The following RNF121 variants were observed in gnomAD, a reference collection of about 807,000 sequenced individuals.
The protein encoded by RNF121 is E3 ubiquitin ligase RNF121.
Under a neutral mutation model 46.5 loss-of-function variants are expected in RNF121, and 21 were observed. The observed-to-expected ratio is 0.45, with a 90% CI of 0.32 to 0.65. The LOEUF is 0.65. RNF121 is among the 30% of genes least tolerant of loss of function. The probability of loss-of-function intolerance (pLI) is 0.04; values close to 1 mark genes in which losing one functional copy is unlikely to be tolerated. For missense variants in RNF121, 346 were observed against 416.0 expected (o/e 0.83, Z 1.46); for synonymous variants, 139 against 144.7 (o/e 0.96, Z 0.28).
chr11:71,940,465 G>C (rs1953540804), intron 1 of RNF121, among the ~76,000 whole-genome samples: 1 of 152,154 alleles, frequency 6.6e-6, no homozygotes, highest in South Asian at 2.1e-4. Flanking sequence ...AGAGCATTAG[G>C]AATGAACGCC....
chr11:71,942,667 G>A (rs190561615), intron 1 of RNF121, among the ~76,000 whole-genome samples: 236 of 151,818 alleles, frequency 1.6e-3, no homozygotes, highest in African/African-American at 5.5e-3. Flanking sequence ...TGGAGGCTGA[G>A]GCAGGAGAAT....
intron 6 of RNF121, among the ~76,000 whole-genome samples, chr11:71,993,661 C>T (rs1343334931): frequency 6.6e-6 from 1 of 151,966 alleles, no homozygotes; most frequent in South Asian, 2.1e-4. Context: ...TGAGCACTGG[C>T]GTTTAAGTGT....
At chr11:71,974,418 C>T in intron 3 of RNF121, among the ~76,000 whole-genome samples, 1 of 152,212 alleles carries the variant, frequency 6.6e-6, no homozygotes, top group East Asian at 1.9e-4. Flanking sequence ...TCTTTCTCCT[C>T]AGTAGACTTG....
intron 1 of RNF121, among the ~76,000 whole-genome samples, chr11:71,952,921 C>G (rs1001129353): frequency 6.6e-6 from 1 of 152,344 alleles, no homozygotes; most frequent in South Asian, 2.1e-4. Context: ...AATTCACTCT[C>G]AGCAATTTTG....
chr11:71,968,888 CT>C (rs10686485), intron 3 of RNF121, among the ~76,000 whole-genome samples: 79 of 134,590 alleles, frequency 5.9e-4, no homozygotes, highest in African/African-American at 1.0e-3. Context: ...TTCTTTCTTT[CT>C]TTTTTTTTTT....
At chr11:71,990,922 G>T in intron 6 of RNF121, 2 of 608,454 alleles carry the variant, frequency 3.3e-6, no homozygotes, top group Non-Finnish European at 5.6e-6. Context: ...GTGCGTTGCA[G>T]CAACATGCCA....
chr11:71,929,374 G>A (rs1003860828), intron 1 of RNF121, among the ~76,000 whole-genome samples: 2 of 151,834 alleles, frequency 1.3e-5, no homozygotes, highest in African/African-American at 2.4e-5. Flanking sequence ...AGGTCGGAGG[G>A]GTGGGGGTGT....
chr11:71,958,554 C>G (rs545472918), intron 2 of RNF121, among the ~76,000 whole-genome samples: 99 of 151,850 alleles, frequency 6.5e-4, no homozygotes, highest in Non-Finnish European at 1.2e-3. Flanking sequence ...GGATTTTATT[C>G]ATTTATAAGC....
rs1011610667 is a variant in RNF121, at chr11:71,993,965, T to C, written c.628-754T>C. Reference sequence around the variant, plus strand: ...ACGCCATTCTCCTGCCTCAGCCTCCTGAGTAGCTGGGACTACAGGCGCCCC... The same window carrying C: ...ACGCCATTCTCCTGCCTCAGCCTCCCGAGTAGCTGGGACTACAGGCGCCCC... On this transcript the variant is annotated intron_variant, in intron 6 of 8. Transcript: ENST00000361756. Among the ~76,000 whole-genome samples, 9 of 151,502 alleles carry C rather than the reference T, an allele frequency of 5.9e-5. No homozygotes were observed. The South Asian group carries it at 6.3e-4, about 11-fold the overall frequency.
intron 1 of RNF121, among the ~76,000 whole-genome samples, chr11:71,946,009 G>A (rs940956440): frequency 3.9e-5 from 6 of 152,108 alleles, no homozygotes; most frequent in Admixed American, 3.9e-4. Context: ...TACTCGGGAG[G>A]CTGAGGTGGG....
rs565541180 is a variant in RNF121, at chr11:71,990,651, C to G, written c.561C>G (p.Leu187=). ...GCATCTCCCTTCTCTTCTATGGCCT[C>G]TACTATGGAGTTCTGGAACGGGACT... ...DFGISLLFYG[L]YYGVLERDFA... Residue 187 remains leucine (L), a synonymous_variant, in exon 6 of 9, where the codon CTC becomes CTG. Coordinates refer to ENST00000361756, the MANE Select transcript of RNF121 (RefSeq NM_018320.5). 2 of 1,614,198 alleles carry G rather than the reference C, an allele frequency of 1.2e-6. No homozygotes were observed. Among genetic ancestry groups the G allele is most frequent in the Admixed American group, 3.3e-5 (2 of 60,022 alleles).
chr11:71,967,546 A>C (rs1397689442), intron 3 of RNF121, among the ~76,000 whole-genome samples: 9 of 152,050 alleles, frequency 5.9e-5, no homozygotes, highest in Non-Finnish European at 2.9e-5. Flanking sequence ...AATGTATTTT[A>C]GTACAAAATA....
intron 1 of RNF121, among the ~76,000 whole-genome samples, chr11:71,939,786 A>G (rs1277822941): frequency 6.6e-6 from 1 of 152,192 alleles, no homozygotes; most frequent in Non-Finnish European, 1.5e-5. Flanking sequence ...GTCACTATGT[A>G]TTTATTGTGC....
intron 3 of RNF121, among the ~76,000 whole-genome samples, chr11:71,974,231 A>G (rs186735599): frequency 2.0e-4 from 30 of 152,284 alleles, no homozygotes; most frequent in Non-Finnish European, 3.4e-4. Context: ...GTGAGCCACC[A>G]CGCCCAGCCA....
At chr11:71,933,408 G>A (rs746977986) in intron 1 of RNF121, among the ~76,000 whole-genome samples, 2 of 152,196 alleles carry the variant, frequency 1.3e-5, no homozygotes, top group African/African-American at 4.8e-5. Context: ...ATTGCCTCAA[G>A]TGAATAATTT....
intron 3 of RNF121, among the ~76,000 whole-genome samples, chr11:71,964,730 C>G (rs1212316228): frequency 7.2e-5 from 11 of 152,324 alleles, no homozygotes. Flanking sequence ...CCGCCTGCCT[C>G]AGCCTCCCAA....
chr11:71,947,815 G>A (rs565549238), intron 1 of RNF121, among the ~76,000 whole-genome samples: 78 of 152,326 alleles, frequency 5.1e-4, no homozygotes, highest in Non-Finnish European at 6.8e-4. Context: ...AATCTGTGCT[G>A]GCAAAGTTAG....
At chr11:71,990,825 A>T in intron 6 of RNF121, 108 bp downstream of exon 6, 1 of 1,358,660 alleles carries the variant, frequency 7.4e-7, no homozygotes, top group South Asian at 1.4e-5. Context: ...GATAAGCCAC[A>T]TAAAATCCTT....
At chr11:71,952,495 A>G (rs1953904632) in intron 1 of RNF121, among the ~76,000 whole-genome samples, 1 of 152,210 alleles carries the variant, frequency 6.6e-6, no homozygotes, top group Non-Finnish European at 1.5e-5. Context: ...AGTTTGTGGG[A>G]TACAGACTGA....
Sources: gnomAD v4.1 joint callset for allele counts (sites outside exome capture counted in the v4.1 genomes callset) on GRCh38, gnomAD v4.1.1 for gene constraint, MANE v1.5 for transcripts, NCBI Gene and HGNC (gene_info 2026-07-23, HGNC 2026-07-21) for gene names.